The following PCA3 variants were observed in gnomAD, a reference collection of about 807,000 sequenced individuals.
PCA3 encodes the protein prostate cancer associated 3.
chr9:76,783,331 T>C (rs2054626200), intron 2 of PCA3, among the ~76,000 whole-genome samples: 1 of 152,078 alleles, frequency 6.6e-6, no homozygotes, highest in Non-Finnish European at 1.5e-5. Context: ...GAGATGGGGT[T>C]TCACCATATT....
intron 2 of PCA3, among the ~76,000 whole-genome samples, chr9:76,774,450 C>CTTTTTTTATTTATTTATTTTTTTTT (rs1564272256): frequency 4.8e-5 from 2 of 41,402 alleles, no homozygotes; most frequent in Non-Finnish European, 7.8e-5. Context: ...CAGTTCAACC[C>CTTTTTTTATTTATTTATTTTTTTTT]TTTTTTTTTT....
intron 2 of PCA3, among the ~76,000 whole-genome samples, chr9:76,771,960 T>C (rs891411138): frequency 6.6e-6 from 1 of 152,064 alleles, no homozygotes; most frequent in Non-Finnish European, 1.5e-5. Context: ...ACTCAGTGGG[T>C]TCATGAAGAT....
rs1564272869 is a variant in PCA3, at chr9:76,774,464, T to TATTTA, written n.853-34119_853-34118insATTTA. ...CCAGTTCAACCCTTTTTTTTTTTTT[T>TATTTA]TTTTTTTTTTTTTGAGATGGAGTCT... On this transcript the variant is annotated intron_variant and non_coding_transcript_variant, in intron 2 of 5. Transcript: ENST00000644657. Among the ~76,000 whole-genome samples, 9 of 142,862 alleles carry TATTTA rather than the reference T, an allele frequency of 6.3e-5. No homozygotes were observed. In the Admixed American group the frequency reaches 6.3e-4, roughly 10 times the overall value. 93.7% of individuals were successfully genotyped at this position (142,862 alleles called of 152,430 possible). A position where few individuals can be genotyped will look rare whatever the true frequency, so the allele number is the denominator to read the frequency against.
In PCA3 at chr9:76,766,848, G is replaced by A. The variant is rs150771570; in HGVS notation, n.852+30233G>A. Among the ~76,000 whole-genome samples, 322 of 152,082 alleles carry A rather than the reference G, an allele frequency of 2.1e-3. 3 individuals are homozygous for A. The highest frequency in any genetic ancestry group is 7.6e-3 in the African/African-American group (315 of 41,462). ...CTTTCTCTCCAAAGCACTGTTCTGC[G>A]GTCCAACCCTACCACTGTCACTGTC... is the stretch of plus-strand genomic sequence containing the variant. On this transcript the variant is annotated intron_variant and non_coding_transcript_variant, in intron 2 of 5. Transcript: ENST00000644657.
chr9:76,771,075 C>T (rs1172591058), intron 2 of PCA3, among the ~76,000 whole-genome samples: 1 of 151,796 alleles, frequency 6.6e-6, no homozygotes, highest in African/African-American at 2.4e-5. Flanking sequence ...TCTAAAGATA[C>T]TAAAAGATTA....
chr9:76,768,815 G>A (rs926515833), intron 2 of PCA3, among the ~76,000 whole-genome samples: 1 of 152,096 alleles, frequency 6.6e-6, no homozygotes, highest in African/African-American at 2.4e-5. Context: ...CATGGTATGA[G>A]ACTCTGTATG....
chr9:76,774,015 G>A (rs1199450125), intron 2 of PCA3, among the ~76,000 whole-genome samples: 1 of 152,174 alleles, frequency 6.6e-6, no homozygotes, highest in African/African-American at 2.4e-5. Context: ...TCAGGGCTAG[G>A]AAAGGACAGG....
intron 2 of PCA3, among the ~76,000 whole-genome samples, chr9:76,767,872 C>T (rs943674215): frequency 5.3e-5 from 8 of 152,232 alleles, no homozygotes; most frequent in African/African-American, 1.7e-4. Context: ...CCCACTATGG[C>T]TATTCTCATC....
intron 2 of PCA3, among the ~76,000 whole-genome samples, chr9:76,775,893 C>T (rs766385659): frequency 2.9e-4 from 44 of 149,334 alleles, no homozygotes; most frequent in Admixed American, 7.9e-4. Flanking sequence ...TCTATAACTT[C>T]CATTACTCCC....
At chr9:76,777,037 C>G (rs1029263157) in intron 2 of PCA3, among the ~76,000 whole-genome samples, 1 of 151,862 alleles carries the variant, frequency 6.6e-6, no homozygotes, top group Non-Finnish European at 1.5e-5. Flanking sequence ...GCCACTGCAC[C>G]AATGCCATCA....
chr9:76,777,182 C>T (rs527708314), intron 2 of PCA3, among the ~76,000 whole-genome samples: 1 of 152,126 alleles, frequency 6.6e-6, no homozygotes, highest in Non-Finnish European at 1.5e-5. Flanking sequence ...TGACCCAAAG[C>T]ATGTGAAACT....
rs115281079 is a variant in PCA3 at position 76,775,790 on chromosome 9, T to C, written n.853-32793T>C. Among the ~76,000 whole-genome samples the C allele has an allele frequency of 8.4e-3, 1,287 of 152,350 alleles. 14 individuals carry two copies. Among genetic ancestry groups the C allele is most frequent in the African/African-American group, 0.022 (935 of 41,568 alleles). ...ACCTCTCCCAGAAAAAGCACAAGGATTGCTCACCCGGCCTTCATGCCGGCT... is the reference window on the plus strand; with the variant it reads ...ACCTCTCCCAGAAAAAGCACAAGGACTGCTCACCCGGCCTTCATGCCGGCT... On this transcript the variant is annotated intron_variant and non_coding_transcript_variant, in intron 2 of 5. Transcript: ENST00000644657.
At chr9:76,768,623 GTA>G (rs749606024) in intron 2 of PCA3, among the ~76,000 whole-genome samples, 2,106 of 130,204 alleles carry the variant, frequency 0.016, 24 homozygotes, top group Non-Finnish European at 0.025. Flanking sequence ...GTGTGTGTGT[GTA>G]TATCCCTGCT....
At chr9:76,767,766 A>G (rs2130865993) in intron 2 of PCA3, among the ~76,000 whole-genome samples, 1 of 152,268 alleles carries the variant, frequency 6.6e-6, no homozygotes, top group Admixed American at 6.5e-5. Flanking sequence ...AAGTCTATCC[A>G]GGGGTGTAAA....
intron 2 of PCA3, chr9:76,783,984 G>C (rs968313223): frequency 3.3e-5 from 5 of 152,034 alleles, no homozygotes; most frequent in Admixed American, 3.3e-4. Context: ...CTGTCCTCCC[G>C]GAATCCACTA....
rs569294254 is a variant in PCA3, at chr9:76,776,664, G to A, written n.853-31919G>A. On this transcript the variant is annotated intron_variant and non_coding_transcript_variant, in intron 2 of 5. Transcript: ENST00000644657. ...TAAGTAGCTAGGATTACAGGTGCCC[G>A]CCACTATGCCTAGCTAGTATTTCTA... 4.0e-4 allele frequency among the ~76,000 whole-genome samples: 61 copies of A among 151,308 alleles called. 1 individual carries two copies. Among genetic ancestry groups the A allele is most frequent in the Non-Finnish European group, 1.8e-4 (12 of 67,802 alleles).
chr9:76,776,529 T>C (rs988121901), intron 2 of PCA3, among the ~76,000 whole-genome samples: 5 of 134,036 alleles, frequency 3.7e-5, no homozygotes, highest in Non-Finnish European at 7.8e-5. Context: ...TTTTTTTTTT[T>C]TTTTTGAGAT....
At position 76,770,535 on chromosome 9, in the gene PCA3, A is replaced by G. The variant is rs192411571; in HGVS notation, n.852+33920A>G. Among the ~76,000 whole-genome samples, 63 of 152,316 alleles carry G rather than the reference A, an allele frequency of 4.1e-4. No individual in the cohort carries two copies. In the East Asian group the frequency reaches 4.8e-3, roughly 12 times the overall value. On this transcript the variant is annotated intron_variant and non_coding_transcript_variant, in intron 2 of 5. Coordinates refer to ENST00000644657, the Ensembl canonical transcript of PCA3. ...TGAAATTGACATTCATCTAAAATGG[A>G]TTATGAAATATCTGGTGAAATATTA...
At chr9:76,768,579 ATGTATGTGTGTGTGTGTGTGTG>A (rs1163015083) in intron 2 of PCA3, among the ~76,000 whole-genome samples, 1 of 100,510 alleles carries the variant, frequency 9.9e-6, no homozygotes, top group Non-Finnish European at 2.4e-5. Context: ...ATATATGTAT[ATGTATGTGTGTGTGTGTGTGTG>A]TGTGTGTGTG....
Sources: allele counts gnomAD v4.1 joint callset (sites outside exome capture counted in the v4.1 genomes callset), GRCh38; gene constraint gnomAD v4.1.1; transcripts MANE v1.5; gene names NCBI Gene and HGNC (gene_info 2026-07-23, HGNC 2026-07-21).